UBXN2A: variants seen among roughly 807,000 people sequenced by gnomAD.
UBXN2A encodes the protein UBX domain-containing protein 2A.
A neutral mutation model predicts 28.4 loss-of-function variants in UBXN2A; 28 were observed. That is an observed-to-expected ratio of 0.99 (90% CI 0.73 to 1.35). The LOEUF is 1.35. UBXN2A is among the 40% of genes most tolerant of loss of function. The probability of loss-of-function intolerance (pLI) is 0.00; values close to 1 mark genes in which losing one functional copy is unlikely to be tolerated. For missense variants in UBXN2A, 253 were observed against 297.9 expected, an observed-to-expected ratio of 0.85 and a Z score of 1.11; for synonymous variants, 97 against 103.6, an observed-to-expected ratio of 0.94 and a Z score of 0.39.
chr2:23,928,097 AC>A (rs1705164722), intron 1 of UBXN2A, among the ~76,000 whole-genome samples: 1 of 151,866 alleles, frequency 6.6e-6, no homozygotes, highest in Non-Finnish European at 1.5e-5. Flanking sequence ...AACCACTTGA[AC>A]CCAGAAGATG....
intron 6 of UBXN2A, among the ~76,000 whole-genome samples, chr2:23,989,048 T>C (rs1268353680): frequency 1.3e-5 from 2 of 152,168 alleles, no homozygotes; most frequent in Non-Finnish European, 2.9e-5. Flanking sequence ...ATATGCTTAT[T>C]GCTTATCAGG....
intron 4 of UBXN2A, 126 bp downstream of exon 4, chr2:23,977,201 TAAAAAA>T: frequency 1.6e-6 from 1 of 640,874 alleles, no homozygotes; most frequent in South Asian, 2.3e-5. Flanking sequence ...CATCTCTACT[TAAAAAA>T]AGAAAATTAC....
At chr2:23,928,944 A>C (rs1474689630) in intron 1 of UBXN2A, among the ~76,000 whole-genome samples, 1 of 152,194 alleles carries the variant, frequency 6.6e-6, no homozygotes, top group Non-Finnish European at 1.5e-5. Flanking sequence ...TCCTGGGTCA[A>C]GTAGCTATCA....
At chr2:23,977,774 C>T (rs1367730689) in intron 4 of UBXN2A, among the ~76,000 whole-genome samples, 1 of 152,162 alleles carries the variant, frequency 6.6e-6, no homozygotes, top group African/African-American at 2.4e-5. Context: ...CACAGATATA[C>T]TTTTTCTTTT....
chr2:23,937,814 A>G (rs1421305599), upstream of UBXN2A, among the ~76,000 whole-genome samples: 2 of 152,204 alleles, frequency 1.3e-5, no homozygotes, highest in Non-Finnish European at 2.9e-5. Flanking sequence ...GTGTCGTGTA[A>G]GTGAATTCGT....
chr2:23,987,048 TC>T, intron 6 of UBXN2A, among the ~76,000 whole-genome samples: 1 of 151,872 alleles, frequency 6.6e-6, no homozygotes, highest in South Asian at 2.1e-4. Flanking sequence ...AGCCATGATC[TC>T]ACCACTGTAC....
chr2:23,990,524 T>C (rs1708312967), intron 6 of UBXN2A, among the ~76,000 whole-genome samples: 1 of 30,618 alleles, frequency 3.3e-5, no homozygotes, highest in African/African-American at 1.3e-4. Flanking sequence ...CCCAGCACTT[T>C]GGGAGGCCGG....
chr2:23,944,509 C>T (rs761644686), intron 1 of UBXN2A, among the ~76,000 whole-genome samples: 14 of 152,154 alleles, frequency 9.2e-5, no homozygotes, highest in African/African-American at 1.4e-4. Context: ...CCTTGTAGAC[C>T]GTAATGGTGG....
At chr2:23,936,624 AAAAG>A (rs545785312), upstream of UBXN2A, among the ~76,000 whole-genome samples, 361 of 152,296 alleles carry the variant, frequency 2.4e-3, 2 homozygotes, top group African/African-American at 8.3e-3. Flanking sequence ...GTCTCAAAGA[AAAAG>A]AAAAACATAC....
At chr2:23,948,710 C>T (rs899504376) in intron 1 of UBXN2A, among the ~76,000 whole-genome samples, 1 of 152,124 alleles carries the variant, frequency 6.6e-6, no homozygotes, top group African/African-American at 2.4e-5. Flanking sequence ...AGCTAAATAA[C>T]ATATACAAGG....
intron 2 of UBXN2A, among the ~76,000 whole-genome samples, chr2:23,963,197 A>T (rs1707009509): frequency 6.6e-6 from 1 of 152,110 alleles, no homozygotes; most frequent in Non-Finnish European, 1.5e-5. Context: ...GGACACAGCC[A>T]AACCGTATCA....
In UBXN2A at chr2:24,004,906, A is replaced by T. The variant is rs933170951; in HGVS notation, c.*5039A>T. The T allele has an allele frequency of 2.6e-5, 4 of 152,210 alleles. No individual in the cohort carries two copies. The highest frequency in any genetic ancestry group is 2.6e-4 in the Admixed American group (4 of 15,276). The allele number at this position is 152,210 out of a possible 1,614,324, so 9.4% of individuals were successfully genotyped here. Reference sequence around the variant, plus strand: ...ACTGTTCATTAAAAGGATCTGTGAAATCATTTACCCTTGTTATAAAATAGT... The same window carrying T: ...ACTGTTCATTAAAAGGATCTGTGAATTCATTTACCCTTGTTATAAAATAGT... On this transcript the variant is annotated 3_prime_UTR_variant, in exon 7 of 7. Coordinates refer to ENST00000309033, the MANE Select transcript of UBXN2A (RefSeq NM_181713.4).
intron 6 of UBXN2A, among the ~76,000 whole-genome samples, chr2:23,990,753 G>A (rs1178260764): frequency 1.3e-5 from 2 of 149,682 alleles, no homozygotes; most frequent in Non-Finnish European, 3.0e-5. Context: ...CAGCCTGGGT[G>A]ACAGAGTGAG....
At chr2:23,933,233 G>A (rs888407324) in intron 1 of UBXN2A, among the ~76,000 whole-genome samples, 7 of 152,154 alleles carry the variant, frequency 4.6e-5, no homozygotes, top group Admixed American at 3.9e-4. Flanking sequence ...TAGGCCAAGC[G>A]TGGGGGCTTA....
chr2:23,961,583 C>G (rs540585620), intron 2 of UBXN2A, among the ~76,000 whole-genome samples: 2 of 110,036 alleles, frequency 1.8e-5, no homozygotes, highest in South Asian at 6.7e-4. Flanking sequence ...AAGTCTTGCT[C>G]TGTCACCAGG....
chr2:23,999,630 A>G (rs189050555), intron 6 of UBXN2A, 42 bp from the exon 7 acceptor site: 105 of 1,567,962 alleles, frequency 6.7e-5, no homozygotes, highest in African/African-American at 3.7e-4. Context: ...AGGTAATTCA[A>G]ATTTTCCTAA....
At chr2:23,971,640 C>A (rs1414705349) in intron 3 of UBXN2A, among the ~76,000 whole-genome samples, 1 of 152,078 alleles carries the variant, frequency 6.6e-6, no homozygotes, top group Non-Finnish European at 1.5e-5. Context: ...CAGCACACAC[C>A]ACCATGCCCA....
At chr2:23,947,115 T>C (rs1229553213) in intron 1 of UBXN2A, among the ~76,000 whole-genome samples, 1 of 152,174 alleles carries the variant, frequency 6.6e-6, no homozygotes, top group African/African-American at 2.4e-5. Context: ...CTTGAACTCC[T>C]AGCATCAAGA....
At chr2:23,973,472 C>T (rs1222500751) in intron 3 of UBXN2A, among the ~76,000 whole-genome samples, 5 of 149,772 alleles carry the variant, frequency 3.3e-5, no homozygotes, top group South Asian at 2.1e-4. Context: ...CCGAGTAGCC[C>T]GGACTACAAG....
Sources: gnomAD v4.1 joint callset for allele counts (sites outside exome capture counted in the v4.1 genomes callset) on GRCh38, gnomAD v4.1.1 for gene constraint, MANE v1.5 for transcripts, NCBI Gene and HGNC (gene_info 2026-07-23, HGNC 2026-07-21) for gene names.